Variants in PTPRT observed in about 807,000 individuals in gnomAD.
PTPRT encodes the protein receptor-type tyrosine-protein phosphatase T.
Under a neutral mutation model 176.8 loss-of-function variants are expected in PTPRT, and 56 were observed. That is an observed-to-expected ratio of 0.32 (90% CI 0.26 to 0.40). PTPRT has a LOEUF of 0.40. Ranked by LOEUF, PTPRT falls within the 10% of genes least tolerant of loss-of-function variation. PTPRT has a pLI of 1.00. For synonymous variants in PTPRT, 783 were observed against 739.0 expected (o/e 1.06, Z -0.96); for missense variants, 1,540 against 1,908.2 (o/e 0.81, Z 3.60).
chr20:43,188,751 G>GT lies in PTPRT; in HGVS notation c.88+894_88+895insA, dbSNP rs1032918253. ...TCTCTTCCCTCCGCCGCTACTCTTG[G>GT]GGGGGGGGGGGCTCGGGGGTGGAAG... On this transcript the variant is annotated intron_variant, in intron 1 of 30. Coordinates refer to ENST00000373187, the MANE Select transcript of PTPRT (RefSeq NM_007050.6). Among the ~76,000 whole-genome samples the GT allele has an allele frequency of 6.3e-3, 893 of 142,242 alleles. 28 individuals carry two copies. The highest frequency in any genetic ancestry group is 0.024 in the African/African-American group (855 of 36,196). The allele number at this position is 142,242 out of a possible 152,430, so 93.3% of individuals were successfully genotyped here. A position where few individuals can be genotyped will look rare whatever the true frequency, so the allele number is the denominator to read the frequency against.
At chr20:42,227,901 G>A (rs1270239900) in intron 15 of PTPRT, among the ~76,000 whole-genome samples, 4 of 152,026 alleles carry the variant, frequency 2.6e-5, no homozygotes, top group South Asian at 2.1e-4. Flanking sequence ...GAGCCACCAC[G>A]CCCAGCCCCC....
At chr20:42,660,653 G>T (rs774592528) in intron 7 of PTPRT, among the ~76,000 whole-genome samples, 2 of 152,032 alleles carry the variant, frequency 1.3e-5, no homozygotes, top group Non-Finnish European at 2.9e-5. Context: ...ATTCATTCAT[G>T]CATGCAACAC....
chr20:42,513,828 T>C (rs762037969), intron 7 of PTPRT, among the ~76,000 whole-genome samples: 1 of 152,144 alleles, frequency 6.6e-6, no homozygotes, highest in Non-Finnish European at 1.5e-5. Context: ...ACATAAGCAG[T>C]GATAAACCTC....
At chr20:42,118,173 A>C (rs1417617480) in intron 21 of PTPRT, among the ~76,000 whole-genome samples, 2 of 152,236 alleles carry the variant, frequency 1.3e-5, no homozygotes, top group East Asian at 3.8e-4. Context: ...TCCTCAAAAT[A>C]TATGAGATGA....
chr20:43,070,677 G>A (rs1341177741), intron 1 of PTPRT, among the ~76,000 whole-genome samples: 2 of 152,106 alleles, frequency 1.3e-5, no homozygotes, highest in African/African-American at 4.8e-5. Context: ...CCTTTGTAGG[G>A]ACATGGATGA....
chr20:42,429,948 G>C (rs779566172), intron 9 of PTPRT, among the ~76,000 whole-genome samples: 1 of 152,192 alleles, frequency 6.6e-6, no homozygotes, highest in Non-Finnish European at 1.5e-5. Flanking sequence ...GAGGGAACTG[G>C]GCAAGCCCGC....
chr20:42,938,595 G>C (rs1170684998), intron 1 of PTPRT, among the ~76,000 whole-genome samples: 1 of 152,162 alleles, frequency 6.6e-6, no homozygotes, highest in African/African-American at 2.4e-5. Flanking sequence ...ATGTCAGTAA[G>C]AGCCTTTCCC....
intron 12 of PTPRT, among the ~76,000 whole-genome samples, chr20:42,290,025 T>A (rs1431220178): frequency 1.3e-5 from 2 of 151,994 alleles, no homozygotes; most frequent in African/African-American, 4.8e-5. Context: ...GTGACTAGAT[T>A]GTCAGCAAGC....
Position 42,282,474 on chromosome 20 carries a change from C to G in PTPRT, c.2176+15G>C. The G allele has an allele frequency of 6.2e-7, 1 of 1,607,740 alleles. No individual in the cohort carries two copies. Among genetic ancestry groups the G allele is most frequent in the Non-Finnish European group, 8.5e-7 (1 of 1,175,970 alleles). ...TGAAGAACAGGTGAAGACAGACAAG[C>G]AGATGCCAACATACCTTTTGTAGCC... is the stretch of plus-strand genomic sequence containing the variant. On this transcript the variant is annotated intron_variant, in intron 13 of 30. Transcript: ENST00000373187.
In PTPRT at chr20:42,710,840, T is replaced by C. The variant is rs951602839; in HGVS notation, c.860-32681A>G. ...ACTCCAACCCATGAGAGCAGCCACA[T>C]GGGCTGTGTCCAAGAAAGCCACAGG... On this transcript the variant is annotated intron_variant, in intron 6 of 30. Coordinates refer to ENST00000373187, the MANE Select transcript of PTPRT (RefSeq NM_007050.6). Among the ~76,000 whole-genome samples, 3 of 152,366 alleles carry C rather than the reference T, an allele frequency of 2.0e-5. No homozygotes were observed. The South Asian group carries it at 6.2e-4, about 32-fold the overall frequency.
At chr20:42,843,681 C>T (rs924870997) in intron 2 of PTPRT, among the ~76,000 whole-genome samples, 1 of 152,210 alleles carries the variant, frequency 6.6e-6, no homozygotes, top group South Asian at 2.1e-4. Context: ...AGAACAGGGG[C>T]CATGCCCATG....
intron 6 of PTPRT, among the ~76,000 whole-genome samples, chr20:42,706,584 A>C (rs922455797): frequency 2.0e-5 from 3 of 152,222 alleles, no homozygotes; most frequent in African/African-American, 7.2e-5. Context: ...CCTGGCACAT[A>C]GCAGTCATTT....
At chr20:43,041,861 TGAGGCAGAAATATGTCCCACAAG>T (rs946986130) in intron 1 of PTPRT, among the ~76,000 whole-genome samples, 2 of 152,234 alleles carry the variant, frequency 1.3e-5, no homozygotes, top group African/African-American at 4.8e-5. Flanking sequence ...ATTGAGTACA[TGAGGCAGAAATATGTCCCACAAG>T]GCCTAAAATA....
chr20:42,951,098 T>G (rs1016408590), intron 1 of PTPRT, among the ~76,000 whole-genome samples: 1 of 152,160 alleles, frequency 6.6e-6, no homozygotes, highest in African/African-American at 2.4e-5. Flanking sequence ...AAATGATAGA[T>G]GGATGAGAGA....
intron 7 of PTPRT, among the ~76,000 whole-genome samples, chr20:42,593,437 G>T (rs756786291): frequency 6.6e-6 from 1 of 152,156 alleles, no homozygotes; most frequent in South Asian, 2.1e-4. Context: ...CTTCTTAATA[G>T]ATGTGTTAGG....
chr20:42,754,086 A>G (rs578112741), intron 6 of PTPRT, among the ~76,000 whole-genome samples: 1 of 152,300 alleles, frequency 6.6e-6, no homozygotes, highest in South Asian at 2.1e-4. Flanking sequence ...TATAAGACAC[A>G]TTCCAGCAGG....
intron 13 of PTPRT, among the ~76,000 whole-genome samples, chr20:42,258,777 A>G (rs2056694934): frequency 6.6e-6 from 1 of 152,202 alleles, no homozygotes; most frequent in Non-Finnish European, 1.5e-5. Context: ...TATGACAGTA[A>G]TTGCTTTTAG....
At chr20:42,853,675 A>T (rs966767769) in intron 2 of PTPRT, among the ~76,000 whole-genome samples, 2 of 152,232 alleles carry the variant, frequency 1.3e-5, no homozygotes, top group Admixed American at 1.3e-4. Context: ...TCTGATTCAA[A>T]TGCTAATCTC....
chr20:42,063,014 A>G, the PTPRT span, among the ~76,000 whole-genome samples: 1 of 152,232 alleles, frequency 6.6e-6, no homozygotes, highest in African/African-American at 2.4e-5. Flanking sequence ...TTATAAAGGC[A>G]TAAGCCATGA....
Sources: gnomAD v4.1 joint callset for allele counts (sites outside exome capture counted in the v4.1 genomes callset) on GRCh38, gnomAD v4.1.1 for gene constraint, MANE v1.5 for transcripts, NCBI Gene and HGNC (gene_info 2026-07-23, HGNC 2026-07-21) for gene names.